The following ZFPM2 variants were observed in gnomAD, a reference collection of about 807,000 sequenced individuals.
ZFPM2 encodes the protein zinc finger protein, FOG family member 2.
A neutral mutation model predicts 98.6 loss-of-function variants in ZFPM2; 20 were observed. That is an observed-to-expected ratio of 0.20 (90% CI 0.14 to 0.29). ZFPM2 has a LOEUF of 0.29. ZFPM2 is among the 10% of genes least tolerant of loss of function. ZFPM2 has a pLI of 1.00. For missense variants in ZFPM2, 1,310 were observed against 1,388.6 expected, an observed-to-expected ratio of 0.94 and a Z score of 0.90; for synonymous variants, 518 against 502.7, an observed-to-expected ratio of 1.03 and a Z score of -0.41.
chr8:105,446,121 C>T (rs950661032), intron 3 of ZFPM2, among the ~76,000 whole-genome samples: 7 of 152,000 alleles, frequency 4.6e-5, no homozygotes, highest in Non-Finnish European at 1.0e-4. Flanking sequence ...GGGGTTTCAC[C>T]ATATTAGTCA....
At position 105,734,823 on chromosome 8, in the gene ZFPM2, A is replaced by G. The variant is rs1026710609; in HGVS notation, c.533-53895A>G. 1.3e-5 allele frequency among the ~76,000 whole-genome samples: 2 copies of G among 151,490 alleles called. 1 individual carries two copies. The highest frequency in any genetic ancestry group is 2.9e-5 in the Non-Finnish European group (2 of 67,856). ...TAGTCCTTTTTTTGTGTTCCTGTAAACATTTTATTACATACTCAAAAACTA... is the reference window on the plus strand; with the variant it reads ...TAGTCCTTTTTTTGTGTTCCTGTAAGCATTTTATTACATACTCAAAAACTA... On this transcript the variant is annotated intron_variant, in intron 5 of 7. Coordinates refer to ENST00000407775, the MANE Select transcript of ZFPM2 (RefSeq NM_012082.4).
rs530748636 is a variant in ZFPM2, at chr8:105,795,785, C to T, written c.740-2939C>T. 8 of 490,112 alleles carry T rather than the reference C, an allele frequency of 1.6e-5. No individual in the cohort carries two copies. The East Asian group carries it at 1.7e-4, about 10-fold the overall frequency. 30.4% of individuals were successfully genotyped at this position (490,112 alleles called of 1,614,324 possible). Reference sequence around the variant, plus strand: ...ACACTTCATATGACACAAAATCAGTCGTCTGGAGTCCCAAGATCTGTGTTC... The same window carrying T: ...ACACTTCATATGACACAAAATCAGTTGTCTGGAGTCCCAAGATCTGTGTTC... On this transcript the variant is annotated intron_variant, in intron 6 of 7. Coordinates refer to ENST00000407775, the MANE Select transcript of ZFPM2 (RefSeq NM_012082.4).
chr8:105,467,160 T>C (rs1405863211), intron 3 of ZFPM2, among the ~76,000 whole-genome samples: 2 of 152,066 alleles, frequency 1.3e-5, no homozygotes, highest in Non-Finnish European at 2.9e-5. Flanking sequence ...CAGATGATGA[T>C]GAAGTTTGTG....
At chr8:105,731,430 G>A (rs543501222) in intron 5 of ZFPM2, among the ~76,000 whole-genome samples, 3 of 151,618 alleles carry the variant, frequency 2.0e-5, no homozygotes, top group Admixed American at 1.3e-4. Context: ...ATTTGGATAA[G>A]CAGAAAAGAA....
Position 105,634,347 on chromosome 8 carries a change from G to A in ZFPM2, c.522G>A (p.Val174=). The change falls in exon 5 of 8, where the codon GTG becomes GTA. Residue 174 remains valine, a synonymous_variant. Coordinates refer to ENST00000407775, the MANE Select transcript of ZFPM2 (RefSeq NM_012082.4). ...GVEDNKNNCI[V]YSKGGQLWCT... ...AAGACAACAAAAACAACTGCATTGTGTACAGCAAAGGTAAATGCAAGATTG... is the reference window on the plus strand; with the variant it reads ...AAGACAACAAAAACAACTGCATTGTATACAGCAAAGGTAAATGCAAGATTG... 1.2e-6 allele frequency: 2 copies of A among 1,610,984 alleles called. No individual in the cohort carries two copies. The highest frequency in any genetic ancestry group is 2.2e-5 in the East Asian group (1 of 44,776).
At chr8:105,629,130 C>G (rs1191848958) in intron 4 of ZFPM2, among the ~76,000 whole-genome samples, 1 of 152,166 alleles carries the variant, frequency 6.6e-6, no homozygotes, top group African/African-American at 2.4e-5. Context: ...TGGAAAACAG[C>G]AGGTCCAAGT....
At chr8:105,647,780 A>T (rs377245832) in intron 5 of ZFPM2, among the ~76,000 whole-genome samples, 2 of 152,206 alleles carry the variant, frequency 1.3e-5, no homozygotes, top group East Asian at 1.9e-4. Context: ...TCTATCATTG[A>T]TGGACATTTG....
chr8:105,530,944 G>A (rs1374380193), intron 3 of ZFPM2, among the ~76,000 whole-genome samples: 1 of 152,124 alleles, frequency 6.6e-6, no homozygotes, highest in East Asian at 1.9e-4. Flanking sequence ...GTAATTTTAT[G>A]TAAATATCCT....
chr8:105,579,214 T>C (rs1183486720), intron 4 of ZFPM2, among the ~76,000 whole-genome samples: 1 of 152,198 alleles, frequency 6.6e-6, no homozygotes, highest in East Asian at 1.9e-4. Context: ...TTTTATCTTT[T>C]TTTCTGCAAA....
intron 1 of ZFPM2, among the ~76,000 whole-genome samples, chr8:105,380,703 T>TGTG (rs1810845787): frequency 4.2e-5 from 1 of 23,706 alleles, no homozygotes; most frequent in Non-Finnish European, 6.6e-5. Context: ...ATAACATATA[T>TGTG]AATATATATA....
intron 5 of ZFPM2, among the ~76,000 whole-genome samples, chr8:105,637,179 A>C (rs1816862202): frequency 6.6e-6 from 1 of 152,172 alleles, no homozygotes. Context: ...TAGAGAGCTA[A>C]CAATAGAGCT....
At chr8:105,444,119 A>G (rs1812319391) in intron 2 of ZFPM2, among the ~76,000 whole-genome samples, 161 bp from the exon 3 acceptor site, 1 of 152,286 alleles carries the variant, frequency 6.6e-6, no homozygotes, top group Non-Finnish European at 1.5e-5. Flanking sequence ...GTGAAGCCAC[A>G]ATAGATATCA....
intron 1 of ZFPM2, among the ~76,000 whole-genome samples, chr8:105,352,057 C>G (rs575430229): frequency 1.3e-5 from 2 of 152,086 alleles, no homozygotes; most frequent in South Asian, 4.2e-4. Context: ...GGTTGCATGC[C>G]GAAATGAGAA....
intron 4 of ZFPM2, among the ~76,000 whole-genome samples, chr8:105,591,965 T>A (rs1815854727): frequency 1.3e-5 from 2 of 152,034 alleles, no homozygotes; most frequent in Admixed American, 6.6e-5. Context: ...AAAAGAAAAA[T>A]TTGGTAAACA....
At chr8:105,654,892 A>G (rs998300849) in intron 5 of ZFPM2, among the ~76,000 whole-genome samples, 14 of 152,192 alleles carry the variant, frequency 9.2e-5, no homozygotes, top group African/African-American at 3.4e-4. Context: ...TCTTCACCCC[A>G]TTAAATAAAG....
chr8:105,351,394 T>G (rs1363837577), intron 1 of ZFPM2, among the ~76,000 whole-genome samples: 1 of 151,924 alleles, frequency 6.6e-6, no homozygotes, highest in African/African-American at 2.4e-5. Context: ...TGTGTGTGTG[T>G]GTGTATGTAA....
chr8:105,349,035 G>T (rs1195416323), intron 1 of ZFPM2, among the ~76,000 whole-genome samples: 1 of 152,094 alleles, frequency 6.6e-6, no homozygotes, highest in Non-Finnish European at 1.5e-5. Context: ...GAACTGTTGT[G>T]GGGTTACAGA....
At chr8:105,570,989 C>T (rs147897255) in intron 4 of ZFPM2, among the ~76,000 whole-genome samples, 381 of 152,204 alleles carry the variant, frequency 2.5e-3, no homozygotes, top group South Asian at 7.3e-3. Context: ...GTTATTAGGA[C>T]GATTAGTGCT....
chr8:105,455,919 G>A (rs1156888149), intron 3 of ZFPM2, among the ~76,000 whole-genome samples: 3 of 152,140 alleles, frequency 2.0e-5, no homozygotes, highest in Non-Finnish European at 4.4e-5. Flanking sequence ...GTCTGGGGTA[G>A]AGATAGAAAT....
Sources: gnomAD v4.1 joint callset for allele counts (sites outside exome capture counted in the v4.1 genomes callset) on GRCh38, gnomAD v4.1.1 for gene constraint, MANE v1.5 for transcripts, NCBI Gene and HGNC (gene_info 2026-07-23, HGNC 2026-07-21) for gene names.